GALNT13: variants seen among roughly 807,000 people sequenced by gnomAD.
GALNT13 encodes the protein UDP-GalNAc:polypeptide N-acetylgalactosaminyltransferase 13.
A neutral mutation model predicts 64.2 loss-of-function variants in GALNT13; 28 were observed. The observed-to-expected ratio is 0.44, with a 90% CI of 0.32 to 0.60. The LOEUF is 0.60. GALNT13 is among the 20% of genes least tolerant of loss of function. GALNT13 has a pLI of 0.05. For synonymous variants in GALNT13, 214 were observed against 224.6 expected, an observed-to-expected ratio of 0.95 and a Z score of 0.42; for missense variants, 577 against 669.8, an observed-to-expected ratio of 0.86 and a Z score of 1.53.
chr2:154,003,838 AC>A (rs1696073302), intron 3 of GALNT13, among the ~76,000 whole-genome samples: 1 of 152,068 alleles, frequency 6.6e-6, no homozygotes, highest in African/African-American at 2.4e-5. Context: ...TCCTTCTGTG[AC>A]CATGTAAGAT....
chr2:153,221,237 C>T, the GALNT13 span, among the ~76,000 whole-genome samples: 40 of 152,184 alleles, frequency 2.6e-4, 1 homozygote, highest in South Asian at 7.1e-3. Flanking sequence ...GCCGAGATTG[C>T]GCCACTGCAC....
intron 4 of GALNT13, among the ~76,000 whole-genome samples, chr2:154,160,304 C>T (rs1013728221): frequency 6.6e-6 from 1 of 152,152 alleles, no homozygotes; most frequent in Non-Finnish European, 1.5e-5. Flanking sequence ...TGACTCCCAC[C>T]TGATTTCTTT....
intron 9 of GALNT13, among the ~76,000 whole-genome samples, chr2:154,318,294 C>A (rs1174720895): frequency 6.6e-6 from 1 of 152,000 alleles, no homozygotes; most frequent in Non-Finnish European, 1.5e-5. Context: ...TTTAAATATT[C>A]CAAAACGCCT....
chr2:154,105,883 T>A (rs1218215423), intron 3 of GALNT13, among the ~76,000 whole-genome samples: 1 of 152,174 alleles, frequency 6.6e-6, no homozygotes, highest in Non-Finnish European at 1.5e-5. Flanking sequence ...CTCTGACTAG[T>A]ACCTACCGTA....
At chr2:153,556,826 T>G in the GALNT13 span, among the ~76,000 whole-genome samples, 1 of 152,180 alleles carries the variant, frequency 6.6e-6, no homozygotes, top group East Asian at 1.9e-4. Flanking sequence ...CAACCTGAAG[T>G]CCTTTAGGAA....
the GALNT13 span, among the ~76,000 whole-genome samples, chr2:153,522,979 TACATTTAGG>T: frequency 6.6e-6 from 1 of 151,886 alleles, no homozygotes; most frequent in Non-Finnish European, 1.5e-5. Flanking sequence ...TTTTGTGTTT[TACATTTAGG>T]TCTATGATCC....
At chr2:153,078,133 G>A in the GALNT13 span, among the ~76,000 whole-genome samples, 2 of 151,458 alleles carry the variant, frequency 1.3e-5, no homozygotes, top group African/African-American at 4.9e-5. Flanking sequence ...TTTTTCTTTG[G>A]TTATTATTTT....
the GALNT13 span, among the ~76,000 whole-genome samples, chr2:153,439,588 A>AAGG: frequency 6.6e-6 from 1 of 152,140 alleles, no homozygotes; most frequent in Admixed American, 6.5e-5. Context: ...AGCAATGAGG[A>AAGG]AGGCTCCGTG....
At chr2:154,383,617 C>T (rs1228625503) in intron 9 of GALNT13, among the ~76,000 whole-genome samples, 4 of 151,794 alleles carry the variant, frequency 2.6e-5, no homozygotes, top group Non-Finnish European at 4.4e-5. Context: ...ATTAGATTTT[C>T]TTAACTGCTT....
intron 1 of GALNT13, among the ~76,000 whole-genome samples, chr2:153,879,372 G>C (rs1686617739): frequency 6.6e-6 from 1 of 151,806 alleles, no homozygotes; most frequent in Non-Finnish European, 1.5e-5. Context: ...GTGTGTGTGT[G>C]TGTGTGTGTG....
chr2:153,874,103 G>GTT (rs10545017), intron 1 of GALNT13, among the ~76,000 whole-genome samples: 34 of 122,418 alleles, frequency 2.8e-4, no homozygotes, highest in Non-Finnish European at 4.3e-4. Context: ...CGCAATCTCT[G>GTT]TTTTTTTTTT....
At chr2:153,650,046 C>A in the GALNT13 span, among the ~76,000 whole-genome samples, 5 of 152,062 alleles carry the variant, frequency 3.3e-5, no homozygotes, top group African/African-American at 4.8e-5. Context: ...ATTGATCTGT[C>A]TAATGTTGAA....
intron 3 of GALNT13, among the ~76,000 whole-genome samples, chr2:154,050,153 A>G (rs964373410): frequency 2.0e-5 from 3 of 152,202 alleles, no homozygotes; most frequent in Non-Finnish European, 4.4e-5. Flanking sequence ...AAGAGAAACA[A>G]GGGATTTTAA....
chr2:154,056,283 G>C (rs530651153), intron 3 of GALNT13, among the ~76,000 whole-genome samples: 14 of 152,108 alleles, frequency 9.2e-5, no homozygotes, highest in Admixed American at 3.3e-4. Context: ...ATCTTAAGTT[G>C]ACAATGCATT....
the GALNT13 span, among the ~76,000 whole-genome samples, chr2:153,321,749 G>C: frequency 2.0e-5 from 3 of 152,196 alleles, no homozygotes; most frequent in South Asian, 2.1e-4. Flanking sequence ...ATACATGGGT[G>C]CTGGGCAGTG....
chr2:153,271,959 A>G, the GALNT13 span, among the ~76,000 whole-genome samples: 2 of 152,166 alleles, frequency 1.3e-5, no homozygotes, highest in Admixed American at 6.5e-5. Flanking sequence ...CAGAAATTGC[A>G]TCAAACATCT....
chr2:154,372,775 CT>C (rs1697771236), intron 9 of GALNT13, among the ~76,000 whole-genome samples: 1 of 151,818 alleles, frequency 6.6e-6, no homozygotes, highest in South Asian at 2.1e-4. Context: ...TTATTCTTCC[CT>C]TTCAGCATAT....
At chr2:153,507,659 C>A in the GALNT13 span, among the ~76,000 whole-genome samples, 4 of 152,112 alleles carry the variant, frequency 2.6e-5, no homozygotes, top group African/African-American at 7.2e-5. Context: ...CTTCTGAATT[C>A]TTTTTCTGGC....
At chr2:153,093,100 A>G in the GALNT13 span, among the ~76,000 whole-genome samples, 6 of 152,076 alleles carry the variant, frequency 3.9e-5, no homozygotes, top group Non-Finnish European at 5.9e-5. Flanking sequence ...TTCAGCATCA[A>G]TAGAATTTAT....
Sources: gnomAD v4.1 joint callset for allele counts (sites outside exome capture counted in the v4.1 genomes callset) on GRCh38, gnomAD v4.1.1 for gene constraint, MANE v1.5 for transcripts, NCBI Gene and HGNC (gene_info 2026-07-23, HGNC 2026-07-21) for gene names.